NEO1: variants seen among roughly 807,000 people sequenced by gnomAD.
The protein encoded by NEO1 is neogenin 1, also known as neogenin.
A neutral mutation model predicts 159.7 loss-of-function variants in NEO1; 63 were observed. That is an observed-to-expected ratio of 0.39 (90% CI 0.32 to 0.49). The LOEUF (loss-of-function observed/expected upper bound fraction) is 0.49. NEO1 is among the 20% of genes least tolerant of loss of function. The pLI, the probability that NEO1 is intolerant of heterozygous loss-of-function variation, is 0.85. For synonymous variants in NEO1, 633 were observed against 662.0 expected (o/e 0.96, Z 0.67); for missense variants, 1,615 against 1,831.0 (o/e 0.88, Z 2.15).
At chr15:73,300,821 G>C (rs1339775318) in intron 27 of NEO1, among the ~76,000 whole-genome samples, 3 of 152,220 alleles carry the variant, frequency 2.0e-5, no homozygotes, top group Non-Finnish European at 2.9e-5. Flanking sequence ...TCAAGATTTA[G>C]TAAAATAAAA....
At chr15:73,211,531 A>G (rs964147675) in intron 7 of NEO1, among the ~76,000 whole-genome samples, 5 of 152,226 alleles carry the variant, frequency 3.3e-5, no homozygotes, top group Non-Finnish European at 7.3e-5. Context: ...CCTGGCCAAC[A>G]TGGTGAAACC....
intron 1 of NEO1, among the ~76,000 whole-genome samples, chr15:73,096,079 A>G (rs2070012903): frequency 6.6e-6 from 1 of 152,254 alleles, no homozygotes; most frequent in Non-Finnish European, 1.5e-5. Flanking sequence ...TTACAAATAG[A>G]TAACTCATTT....
intron 1 of NEO1, among the ~76,000 whole-genome samples, chr15:73,056,766 T>A (rs972643593): frequency 1.3e-5 from 2 of 152,224 alleles, no homozygotes; most frequent in Non-Finnish European, 2.9e-5. Context: ...TTTGTGATCT[T>A]GGTCATCCTC....
chr15:73,274,796 C>CTTTTT, intron 21 of NEO1, 72 bp downstream of exon 21: 9 of 1,074,080 alleles, frequency 8.4e-6, no homozygotes, highest in African/African-American at 3.5e-5. Context: ...GTTTTTGTTT[C>CTTTTT]TTTTTTTTTT....
chr15:73,245,764 G>A (rs1555459028), intron 9 of NEO1, among the ~76,000 whole-genome samples: 1 of 149,746 alleles, frequency 6.7e-6, no homozygotes, highest in Admixed American at 6.7e-5. Flanking sequence ...TGTATTTTTA[G>A]TAGAGACGGG....
chr15:73,125,367 C>G lies in NEO1; in HGVS notation c.725-1050C>G, dbSNP rs544006750. 5.3e-5 allele frequency among the ~76,000 whole-genome samples: 8 copies of G among 152,300 alleles called. No individual in the cohort carries two copies. The East Asian group carries it at 1.2e-3, about 22-fold the overall frequency. ...CAGCCTTAAAAGTCAGTGACTCCAC[C>G]ATTAGTTGGCTGACTTTTAAAGCCT... On this transcript the variant is annotated intron_variant, in intron 3 of 28. Coordinates refer to ENST00000261908, the MANE Select transcript of NEO1 (RefSeq NM_002499.4).
At chr15:73,240,994 G>T (rs2039461822) in intron 8 of NEO1, among the ~76,000 whole-genome samples, 1 of 152,158 alleles carries the variant, frequency 6.6e-6, no homozygotes. Context: ...CGTGTGGTAA[G>T]AATTCAATGT....
chr15:73,224,513 C>CT (rs569995742), intron 7 of NEO1, among the ~76,000 whole-genome samples: 229 of 152,136 alleles, frequency 1.5e-3, no homozygotes, highest in African/African-American at 5.2e-3. Flanking sequence ...TTTTCTTATT[C>CT]TTTTTTCTTT....
At chr15:73,157,015 C>A (rs1415402872) in intron 5 of NEO1, among the ~76,000 whole-genome samples, 7 of 152,212 alleles carry the variant, frequency 4.6e-5, no homozygotes, top group Admixed American at 6.5e-5. Context: ...GTAGGACTTA[C>A]TTCCTTCTCA....
At chr15:73,058,986 A>G (rs765121248) in intron 1 of NEO1, among the ~76,000 whole-genome samples, 11 of 152,290 alleles carry the variant, frequency 7.2e-5, no homozygotes, top group Middle Eastern at 3.4e-3. Flanking sequence ...AAAGTAGGAT[A>G]TGATTGGAAA....
At chr15:73,065,834 C>T (rs1412078624) in intron 1 of NEO1, among the ~76,000 whole-genome samples, 1 of 151,992 alleles carries the variant, frequency 6.6e-6, no homozygotes, top group East Asian at 1.9e-4. Context: ...CTTAGGCTCC[C>T]TTACATCCTT....
intron 1 of NEO1, among the ~76,000 whole-genome samples, chr15:73,106,599 TTGG>T (rs2070706547): frequency 1.3e-5 from 2 of 152,120 alleles, no homozygotes; most frequent in Non-Finnish European, 2.9e-5. Flanking sequence ...ACTGTCCCTA[TTGG>T]ATAGTGCAGA....
chr15:73,068,302 A>G (rs1010593486), intron 1 of NEO1, among the ~76,000 whole-genome samples: 1 of 121,724 alleles, frequency 8.2e-6, no homozygotes, highest in Admixed American at 9.6e-5. Flanking sequence ...GCTCACTGCA[A>G]CCTCTGCCTC....
At chr15:73,129,575 A>G (rs2030812940) in intron 4 of NEO1, among the ~76,000 whole-genome samples, 2 of 152,176 alleles carry the variant, frequency 1.3e-5, no homozygotes, top group African/African-American at 4.8e-5. Context: ...CTAATGAAAG[A>G]GGGGGGTGGA....
chr15:73,175,895 A>G (rs752166318), intron 5 of NEO1, among the ~76,000 whole-genome samples: 1 of 152,220 alleles, frequency 6.6e-6, no homozygotes, highest in Non-Finnish European at 1.5e-5. Flanking sequence ...AAACCATTGC[A>G]TATAATGAGG....
chr15:73,297,675 T>C (rs190329051), intron 26 of NEO1, among the ~76,000 whole-genome samples: 248 of 152,316 alleles, frequency 1.6e-3, no homozygotes, highest in Middle Eastern at 0.014. Context: ...GAGATTGTTA[T>C]CATGTTCTTC....
intron 5 of NEO1, among the ~76,000 whole-genome samples, chr15:73,173,936 C>A (rs1358337784): frequency 6.6e-6 from 1 of 151,832 alleles, no homozygotes; most frequent in Non-Finnish European, 1.5e-5. Context: ...CCTGTCTCTA[C>A]TAAAAATACA....
chr15:73,237,723 C>G (rs1349966899), intron 8 of NEO1, among the ~76,000 whole-genome samples: 4 of 151,610 alleles, frequency 2.6e-5, no homozygotes, highest in Non-Finnish European at 5.9e-5. Context: ...AAACATAGTT[C>G]TATACATAAA....
Position 73,087,720 on chromosome 15 carries a change from C to T in NEO1, c.131-28820C>T, listed in dbSNP as rs139370193. On this transcript the variant is annotated intron_variant, in intron 1 of 28. Transcript: ENST00000261908. Reference sequence around the variant, plus strand: ...GATGAGAATATCATGTCTCACAATTCAGATGATTATTAATATTTTGGAATT... The same window carrying T: ...GATGAGAATATCATGTCTCACAATTTAGATGATTATTAATATTTTGGAATT... Among the ~76,000 whole-genome samples, 701 of 152,132 alleles carry T rather than the reference C, an allele frequency of 4.6e-3. 4 individuals carry two copies. Among genetic ancestry groups the T allele is most frequent in the African/African-American group, 0.016 (670 of 41,518 alleles).
Sources: gnomAD v4.1 joint callset for allele counts (sites outside exome capture counted in the v4.1 genomes callset) on GRCh38, gnomAD v4.1.1 for gene constraint, MANE v1.5 for transcripts, NCBI Gene and HGNC (gene_info 2026-07-23, HGNC 2026-07-21) for gene names.